Variants in DEGS1 observed in about 807,000 individuals in gnomAD.
DEGS1 encodes delta 4-desaturase, sphingolipid 1.
In DEGS1, 17 loss-of-function variants were observed where a neutral mutation model predicts 24.1. That is an observed-to-expected ratio of 0.70 (90% CI 0.48 to 1.06). The LOEUF (loss-of-function observed/expected upper bound fraction) is 1.06, where lower values mean the gene tolerates loss of function less well. Among genes scored for constraint, DEGS1 ranks in the 50% least tolerant of loss-of-function variants. The pLI, the probability that DEGS1 is intolerant of heterozygous loss-of-function variation, is 0.00. For missense variants in DEGS1, 366 were observed against 408.9 expected (o/e 0.90, Z 0.91); for synonymous variants, 134 against 140.0 (o/e 0.96, Z 0.30).
intron 1 of DEGS1, among the ~76,000 whole-genome samples, chr1:224,186,389 CTG>C (rs1236439374): frequency 1.3e-5 from 2 of 152,214 alleles, no homozygotes; most frequent in African/African-American, 4.8e-5. Flanking sequence ...AGACTTATCA[CTG>C]AACCATTTCA....
intron 1 of DEGS1, among the ~76,000 whole-genome samples, chr1:224,187,190 C>T (rs1658416159): frequency 6.6e-6 from 1 of 151,914 alleles, no homozygotes; most frequent in African/African-American, 2.4e-5. Flanking sequence ...CGCCTGTAAT[C>T]CCAGCTACTG....
intron 1 of DEGS1, among the ~76,000 whole-genome samples, chr1:224,186,220 A>C (rs1051706296): frequency 2.6e-5 from 4 of 151,782 alleles, no homozygotes; most frequent in African/African-American, 9.7e-5. Flanking sequence ...AGGTGGGAGG[A>C]TTGCTTGAGC....
intron 1 of DEGS1, among the ~76,000 whole-genome samples, chr1:224,185,181 GGGTTTCTCC>G (rs1658348477): frequency 1.3e-5 from 2 of 152,072 alleles, no homozygotes; most frequent in African/African-American, 4.8e-5. Context: ...TTGTAGAGAT[GGGTTTCTCC>G]GTGTTGCCCA....
At chr1:224,186,712 CAAAAA>C (rs34809195) in intron 1 of DEGS1, among the ~76,000 whole-genome samples, 6 of 79,862 alleles carry the variant, frequency 7.5e-5, no homozygotes, top group Middle Eastern at 6.7e-3. Context: ...GCCTCCGTCT[CAAAAA>C]AAAAAAAAAA....
rs531711939 is a variant in DEGS1, at chr1:224,187,642, C to T, written c.83-1935C>T. On this transcript the variant is annotated intron_variant, in intron 1 of 2. Coordinates refer to ENST00000323699, the MANE Select transcript of DEGS1 (RefSeq NM_003676.4). Reference sequence around the variant, plus strand: ...AGTGCTGGATTAATGGTGTGAGCCACAGCACCTGGCCAATAGCTTTATTGA... The same window carrying T: ...AGTGCTGGATTAATGGTGTGAGCCATAGCACCTGGCCAATAGCTTTATTGA... 2.0e-4 allele frequency among the ~76,000 whole-genome samples: 30 copies of T among 152,250 alleles called. No homozygotes were observed. In the South Asian group the frequency reaches 5.8e-3, roughly 29 times the overall value.
chr1:224,187,736 A>C (rs1315126762), intron 1 of DEGS1, among the ~76,000 whole-genome samples: 1 of 152,152 alleles, frequency 6.6e-6, no homozygotes, highest in Non-Finnish European at 1.5e-5. Context: ...GTATATTCAC[A>C]GAGTTGTGCA....
chr1:224,184,198 T>TC (rs1198457998), intron 1 of DEGS1, among the ~76,000 whole-genome samples: 5 of 152,322 alleles, frequency 3.3e-5, no homozygotes, highest in Admixed American at 6.5e-5. Flanking sequence ...GGCCTGCTGG[T>TC]CCCCTGACAG....
Position 224,189,610 on chromosome 1 carries a change from C to T in DEGS1, c.116C>T (p.Pro39Leu). The T allele has an allele frequency of 1.2e-6, 2 of 1,609,064 alleles. No homozygotes were observed. Among genetic ancestry groups the T allele is most frequent in the Non-Finnish European group, 1.7e-6 (2 of 1,178,004 alleles). The change falls in exon 2 of 3, where the codon CCT becomes CTT. Residue 39 changes from proline (P) to leucine (L), a missense_variant. Physicochemically the swap from Pro to Leu is moderately conservative, Grantham distance 98. Transcript: ENST00000323699. ...KYPEIKSLMK[P>L]DPNLIWIIIM... ...CCAGAGATAAAGTCCTTGATGAAAC[C>T]TGATCCCAATTTGATATGGATTATA...
chr1:224,183,377 A>G lies in DEGS1; in HGVS notation c.41A>G (p.Tyr14Cys), dbSNP rs913271107. Reference protein sequence around the residue: ...RVSREDFEWVYTDQPHADRRR... With the variant: ...RVSREDFEWVCTDQPHADRRR... ...TCGCGGGAAGACTTCGAGTGGGTCT[A>G]CACCGACCAGCCGCACGCCGACCGG... is the stretch of plus-strand genomic sequence containing the variant. Residue 14 changes from tyrosine to cysteine, a missense_variant, in exon 1 of 3, where the codon TAC becomes TGC. Physicochemically the swap from Tyr to Cys is radical, Grantham distance 194. Coordinates refer to ENST00000323699, the MANE Select transcript of DEGS1 (RefSeq NM_003676.4). 1.4e-5 allele frequency: 20 copies of G among 1,451,092 alleles called. No individual in the cohort carries two copies. Among genetic ancestry groups the G allele is most frequent in the Non-Finnish European group, 1.6e-5 (17 of 1,094,496 alleles). 89.9% of individuals were successfully genotyped at this position (1,451,092 alleles called of 1,614,324 possible).
chr1:224,184,456 GTGTTTGTTTTTTGTT>G (rs1477778927), intron 1 of DEGS1, among the ~76,000 whole-genome samples: 1 of 118,746 alleles, frequency 8.4e-6, no homozygotes, highest in African/African-American at 2.7e-5. Flanking sequence ...TCCAGAGCAC[GTGTTTGTTTTTTGTT>G]TGTTTGTTTT....
chr1:224,184,473 GTTTGT>G (rs1658323293), intron 1 of DEGS1, among the ~76,000 whole-genome samples: 1 of 150,980 alleles, frequency 6.6e-6, no homozygotes, highest in African/African-American at 2.4e-5. Flanking sequence ...TTTTTTGTTT[GTTTGT>G]TTTTTGAGAC....
chr1:224,183,440 G>T, intron 1 of DEGS1, 22 bp downstream of exon 1: 1 of 1,356,782 alleles, frequency 7.4e-7, no homozygotes, highest in Non-Finnish European at 9.6e-7. Context: ...CGGGCGCCCC[G>T]TTATGTGCGT....
Position 224,183,384 on chromosome 1 carries a change from C to A in DEGS1, c.48C>A (p.Asp16Glu). ...AAGACTTCGAGTGGGTCTACACCGACCAGCCGCACGCCGACCGGCGCCGGG... is the reference window on the plus strand; with the variant it reads ...AAGACTTCGAGTGGGTCTACACCGAACAGCCGCACGCCGACCGGCGCCGGG... ...SREDFEWVYT[D>E]QPHADRRREI... Residue 16 changes from aspartate (D) to glutamate (E), a missense_variant, in exon 1 of 3, where the codon GAC becomes GAA. Coordinates refer to ENST00000323699, the MANE Select transcript of DEGS1 (RefSeq NM_003676.4). 6.9e-7 allele frequency: 1 copy of A among 1,442,682 alleles called. No individual in the cohort carries two copies. The highest frequency in any genetic ancestry group is 9.2e-7 in the Non-Finnish European group (1 of 1,089,322). 89.4% of individuals were successfully genotyped at this position (1,442,682 alleles called of 1,614,324 possible). A position where few individuals can be genotyped will look rare whatever the true frequency, so the allele number is the denominator to read the frequency against.
chr1:224,184,402 T>A (rs1009433200), intron 1 of DEGS1, among the ~76,000 whole-genome samples: 6 of 152,164 alleles, frequency 3.9e-5, no homozygotes, highest in African/African-American at 1.4e-4. Flanking sequence ...TAAGAACGCG[T>A]GACTAAATGC....
chr1:224,188,386 T>C (rs1440899306), intron 1 of DEGS1, among the ~76,000 whole-genome samples: 2 of 152,238 alleles, frequency 1.3e-5, no homozygotes, highest in African/African-American at 4.8e-5. Flanking sequence ...CTGAATAATA[T>C]TCCTTTGTAT....
At chr1:224,192,217 G>A (rs1273406471) in intron 2 of DEGS1, 115 bp from the exon 3 acceptor site, 8 of 799,344 alleles carry the variant, frequency 1.0e-5, no homozygotes, top group African/African-American at 7.3e-5. Context: ...AGAGAGAGGA[G>A]GGAGGCAGGT....
At chr1:224,190,756 C>G (rs1340062179) in intron 2 of DEGS1, among the ~76,000 whole-genome samples, 1 of 152,096 alleles carries the variant, frequency 6.6e-6, no homozygotes, top group Non-Finnish European at 1.5e-5. Context: ...GAGACAGGGT[C>G]TTGCCCTGTC....
At chr1:224,190,460 C>T in intron 2 of DEGS1, 141 bp downstream of exon 2, 5 of 642,990 alleles carry the variant, frequency 7.8e-6, no homozygotes, top group Non-Finnish European at 1.2e-5. Flanking sequence ...CGGGTTCAAA[C>T]GATTCTCATG....
At chr1:224,184,047 C>T (rs1658311234) in intron 1 of DEGS1, among the ~76,000 whole-genome samples, 1 of 152,250 alleles carries the variant, frequency 6.6e-6, no homozygotes, top group Non-Finnish European at 1.5e-5. Context: ...CTGGTCGGTT[C>T]ACGCCGCTTG....
Sources: gnomAD v4.1 joint callset for allele counts (sites outside exome capture counted in the v4.1 genomes callset) on GRCh38, gnomAD v4.1.1 for gene constraint, MANE v1.5 for transcripts, NCBI Gene and HGNC (gene_info 2026-07-23, HGNC 2026-07-21) for gene names.